Variants in DPP6 observed in about 807,000 individuals in gnomAD.
The protein encoded by DPP6 is dipeptidyl peptidase like 6.
DPP6 carries 69 observed loss-of-function variants against 122.6 expected under a neutral mutation model. The observed-to-expected ratio is 0.56, with a 90% CI of 0.46 to 0.69. The LOEUF (loss-of-function observed/expected upper bound fraction) is 0.69. Among genes scored for constraint, DPP6 ranks in the 30% least tolerant of loss-of-function variants. The probability of loss-of-function intolerance (pLI) is 0.00; values close to 1 mark genes in which losing one functional copy is unlikely to be tolerated. For missense variants in DPP6, 928 were observed against 1,116.9 expected (o/e 0.83, Z 2.41); for synonymous variants, 418 against 433.1 (o/e 0.97, Z 0.43).
intron 1 of DPP6, among the ~76,000 whole-genome samples, chr7:154,141,658 G>C (rs1795852549): frequency 6.6e-6 from 1 of 152,230 alleles, no homozygotes; most frequent in South Asian, 2.1e-4. Context: ...TTGAAGGGCA[G>C]AGGCCCCCAC....
chr7:154,143,285 C>G (rs1431952555), intron 1 of DPP6, among the ~76,000 whole-genome samples: 3 of 152,278 alleles, frequency 2.0e-5, no homozygotes, highest in African/African-American at 7.2e-5. Flanking sequence ...CCTGAAAGTT[C>G]TAACATGGAG....
chr7:154,859,910 G>A (rs929100756), intron 17 of DPP6, among the ~76,000 whole-genome samples: 1 of 152,202 alleles, frequency 6.6e-6, no homozygotes, highest in Non-Finnish European at 1.5e-5. Flanking sequence ...CAGAGAAAGC[G>A]TGCGTGTGGC....
At chr7:154,036,332 G>A (rs71243483) in intron 1 of DPP6, among the ~76,000 whole-genome samples, 59,130 of 144,746 alleles carry the variant, frequency 0.41, 12,241 homozygotes, top group African/African-American at 0.43. Context: ...TGTTGGCCAG[G>A]CTGGTCTCGA....
chr7:153,900,093 T>C (rs1389526122), intron 1 of DPP6, among the ~76,000 whole-genome samples: 1 of 152,202 alleles, frequency 6.6e-6, no homozygotes, highest in Non-Finnish European at 1.5e-5. Flanking sequence ...ACCTACTGAA[T>C]CAGAAGCTCA....
chr7:154,687,896 C>G (rs1470576565), intron 7 of DPP6, among the ~76,000 whole-genome samples: 1 of 152,194 alleles, frequency 6.6e-6, no homozygotes, highest in Non-Finnish European at 1.5e-5. Context: ...TAGGAATAAT[C>G]AATTGTCCCA....
chr7:154,131,215 A>T (rs1348663183), intron 1 of DPP6, among the ~76,000 whole-genome samples: 1 of 152,196 alleles, frequency 6.6e-6, no homozygotes, highest in East Asian at 1.9e-4. Context: ...TACTTATCCT[A>T]AGATTTAGAA....
chr7:154,305,510 G>A (rs1361335703), intron 1 of DPP6: 1 of 1,604,494 alleles, frequency 6.2e-7, no homozygotes, highest in Admixed American at 1.7e-5. Flanking sequence ...CACAGCCAAG[G>A]AGCCAAGCGC....
At chr7:154,721,479 G>A (rs748869584) in intron 7 of DPP6, among the ~76,000 whole-genome samples, 5 of 152,154 alleles carry the variant, frequency 3.3e-5, no homozygotes, top group Non-Finnish European at 7.4e-5. Context: ...CGAAGTGTCT[G>A]CCCAACATAT....
At chr7:154,593,701 C>G (rs1356466853) in intron 5 of DPP6, among the ~76,000 whole-genome samples, 1 of 152,172 alleles carries the variant, frequency 6.6e-6, no homozygotes, top group African/African-American at 2.4e-5. Flanking sequence ...CCTGGCTGCA[C>G]CTGAGGTGTC....
At chr7:154,347,316 G>A (rs1376090978) in intron 1 of DPP6, among the ~76,000 whole-genome samples, 1 of 152,168 alleles carries the variant, frequency 6.6e-6, no homozygotes, top group East Asian at 1.9e-4. Context: ...CCCTAGCCTT[G>A]GATGAAACTG....
intron 1 of DPP6, among the ~76,000 whole-genome samples, chr7:154,332,147 C>T (rs920047731): frequency 4.5e-4 from 68 of 151,692 alleles, no homozygotes; most frequent in African/African-American, 1.6e-3. Context: ...TCCCAGCTCA[C>T]TGCAACCTCC....
chr7:154,793,024 T>G (rs1300374500), intron 10 of DPP6, among the ~76,000 whole-genome samples: 1 of 152,218 alleles, frequency 6.6e-6, no homozygotes, highest in Non-Finnish European at 1.5e-5. Flanking sequence ...CACTGGAATC[T>G]CCTGGTTAAC....
chr7:154,703,838 G>T (rs1257250658), intron 7 of DPP6, among the ~76,000 whole-genome samples: 1 of 152,016 alleles, frequency 6.6e-6, no homozygotes, highest in African/African-American at 2.4e-5. Flanking sequence ...TCAGGGGGCT[G>T]AGGCAGGAGA....
At chr7:154,556,374 G>A (rs1051669441) in intron 4 of DPP6, among the ~76,000 whole-genome samples, 1 of 152,160 alleles carries the variant, frequency 6.6e-6, no homozygotes, top group Non-Finnish European at 1.5e-5. Flanking sequence ...AAGTAGCAAA[G>A]AGAGTGCTGA....
chr7:154,503,972 C>A (rs779006847), intron 3 of DPP6, among the ~76,000 whole-genome samples: 1 of 152,254 alleles, frequency 6.6e-6, no homozygotes, highest in Non-Finnish European at 1.5e-5. Flanking sequence ...TGAAAAAAAA[C>A]CAATGTTCCT....
intron 3 of DPP6, among the ~76,000 whole-genome samples, chr7:154,515,899 A>C (rs1022218065): frequency 3.9e-4 from 59 of 152,254 alleles, no homozygotes; most frequent in African/African-American, 1.4e-3. Context: ...AACCATCATC[A>C]ATTTTGTTGT....
intron 1 of DPP6, among the ~76,000 whole-genome samples, chr7:153,943,030 T>C (rs1346702350): frequency 6.6e-6 from 1 of 152,196 alleles, no homozygotes; most frequent in African/African-American, 2.4e-5. Flanking sequence ...CTCTACACTT[T>C]CCCTAGATTC....
chr7:154,312,413 G>A (rs539526943), intron 1 of DPP6, among the ~76,000 whole-genome samples: 15 of 150,374 alleles, frequency 1.0e-4, no homozygotes, highest in East Asian at 3.9e-4. Flanking sequence ...GTCTTGCTCC[G>A]CAAATTTTTA....
At chr7:154,608,579 C>T (rs1169160532) in intron 5 of DPP6, among the ~76,000 whole-genome samples, 2 of 150,888 alleles carry the variant, frequency 1.3e-5, no homozygotes, top group Admixed American at 6.6e-5. Flanking sequence ...TCAAGTGATC[C>T]GCCTGCCTTG....
Sources: gnomAD v4.1 joint callset for allele counts (sites outside exome capture counted in the v4.1 genomes callset) on GRCh38, gnomAD v4.1.1 for gene constraint, MANE v1.5 for transcripts, NCBI Gene and HGNC (gene_info 2026-07-23, HGNC 2026-07-21) for gene names.